Variants in CEP19 observed in about 807,000 individuals in gnomAD.
The protein encoded by CEP19 is centrosomal protein of 19 kDa.
In CEP19, 14 loss-of-function variants were observed where a neutral mutation model predicts 17.5. That is an observed-to-expected ratio of 0.80 (90% CI 0.53 to 1.25). The LOEUF is 1.25. Ranked by LOEUF, CEP19 falls within the 50% of genes most tolerant of loss-of-function variation. The probability of loss-of-function intolerance (pLI) is 0.00; values close to 1 mark genes in which losing one functional copy is unlikely to be tolerated. For synonymous variants in CEP19, 59 were observed against 65.5 expected (o/e 0.90, Z 0.48); for missense variants, 193 against 192.0 (o/e 1.01, Z -0.03).
Position 196,711,996 on chromosome 3 carries a change from C to T in CEP19, c.-138G>A, listed in dbSNP as rs1450631782. On this transcript the variant is annotated 5_prime_UTR_variant, in exon 1 of 3. Transcript: ENST00000409690. ...CTAAACAACCAGGAGTGGGTTTTTC[C>T]ACCCAACCGCAGTGCACGCAAAGCC... The T allele has an allele frequency of 1.4e-6, 1 of 717,208 alleles. No individual in the cohort carries two copies. Among genetic ancestry groups the T allele is most frequent in the African/African-American group, 1.7e-5 (1 of 57,286 alleles). The allele number at this position is 717,208 out of a possible 1,614,324, so 44.4% of individuals were successfully genotyped here. A position where few individuals can be genotyped will look rare whatever the true frequency, so the allele number is the denominator to read the frequency against.
rs1711520011 is a variant in CEP19, at chr3:196,706,425, T to C, written c.*1126A>G. ...AGATGCTGTCTTGCAGATCCATTCA[T>C]GAACAGGCCTAAACTGGCAGTGCCT... On this transcript the variant is annotated 3_prime_UTR_variant, in exon 3 of 3. Coordinates refer to ENST00000409690, the MANE Select transcript of CEP19 (RefSeq NM_032898.5). 6.6e-6 allele frequency: 1 copy of C among 152,240 alleles called. No homozygotes were observed. The allele number at this position is 152,240 out of a possible 1,614,324, so 9.4% of individuals were successfully genotyped here.
chr3:196,707,437 G>A lies in CEP19; in HGVS notation c.*114C>T. The A allele has an allele frequency of 8.6e-7, 1 of 1,165,518 alleles. No individual in the cohort carries two copies. Among genetic ancestry groups the A allele is most frequent in the South Asian group, 1.5e-5 (1 of 66,346 alleles). 72.2% of individuals were successfully genotyped at this position (1,165,518 alleles called of 1,614,324 possible). ...ATGTCCTGGTTTTGAAAAGTAACAT[G>A]GTCAATCCCCTATAACCCAACATAT... On this transcript the variant is annotated 3_prime_UTR_variant, in exon 3 of 3. Coordinates refer to ENST00000409690, the MANE Select transcript of CEP19 (RefSeq NM_032898.5).
chr3:196,708,445 A>G (rs1318277658), intron 2 of CEP19, 83 bp downstream of exon 2: 93 of 1,257,868 alleles, frequency 7.4e-5, no homozygotes, highest in Non-Finnish European at 1.0e-4. Flanking sequence ...CCAGTGTCAC[A>G]CATCCAGTCC....
At position 196,707,711 on chromosome 3, in the gene CEP19, T is replaced by C. The variant is rs1477011464; in HGVS notation, c.332A>G (p.Lys111Arg). The change falls in exon 3 of 3, where the codon AAG becomes AGG. Residue 111 changes from lysine to arginine, a missense_variant. Coordinates refer to ENST00000409690, the MANE Select transcript of CEP19 (RefSeq NM_032898.5). ...PEEDLNKLDD[K>R]ELAKRKSIMD... ...GATGCTCTTTCTTTTGGCAAGCTCC[T>C]TGTCATCTAGTTTGTTCAGGTCTTC... The C allele has an allele frequency of 8.7e-6, 14 of 1,614,088 alleles. No individual in the cohort carries two copies. The African/African-American group carries it at 1.6e-4, about 18-fold the overall frequency.
At chr3:196,710,858 A>AAC (rs1711732238) in intron 1 of CEP19, among the ~76,000 whole-genome samples, 1 of 149,462 alleles carries the variant, frequency 6.7e-6, no homozygotes, top group African/African-American at 2.4e-5. Context: ...AAAAAAAAAA[A>AAC]AAAAAAAAAA....
At position 196,707,759 on chromosome 3, in the gene CEP19, C is replaced by G. The variant is rs145982014; in HGVS notation, c.284G>C (p.Arg95Pro). The G allele has an allele frequency of 2.5e-6, 4 of 1,613,994 alleles. No homozygotes were observed. Among genetic ancestry groups the G allele is most frequent in the Non-Finnish European group, 3.4e-6 (4 of 1,180,038 alleles). Residue 95 changes from arginine (R) to proline (P), a missense_variant, in exon 3 of 3, where the codon CGG becomes CCG. Transcript: ENST00000409690. ...SLAETMEQIQ[R>P]ETTIDPEEDL... ...TTCCTCAGGATCAATGGTTGTTTCC[C>G]GTTGAATTTGTTCCATTGTTTCTGC...
chr3:196,708,489 GA>G, intron 2 of CEP19, 38 bp downstream of exon 2: 1 of 1,597,030 alleles, frequency 6.3e-7, no homozygotes, highest in Non-Finnish European at 8.6e-7. Flanking sequence ...TGTATTTAGA[GA>G]ATATTTAAGA....
Position 196,706,341 on chromosome 3 carries a change from A to G in CEP19, c.*1210T>C, listed in dbSNP as rs2108661374. The G allele has an allele frequency of 6.6e-6, 1 of 152,360 alleles. No individual in the cohort carries two copies. Among genetic ancestry groups the G allele is most frequent in the Non-Finnish European group, 1.5e-5 (1 of 68,036 alleles). 9.4% of individuals were successfully genotyped at this position (152,360 alleles called of 1,614,324 possible). Reference sequence around the variant, plus strand: ...TGTAGAAAACATAGAATTTCTACCAACTAAACAATATTGTAATAAGGATAA... The same window carrying G: ...TGTAGAAAACATAGAATTTCTACCAGCTAAACAATATTGTAATAAGGATAA... On this transcript the variant is annotated 3_prime_UTR_variant, in exon 3 of 3. Coordinates refer to ENST00000409690, the MANE Select transcript of CEP19 (RefSeq NM_032898.5).
At chr3:196,711,195 A>G (rs751430696) in intron 1 of CEP19, among the ~76,000 whole-genome samples, 15 of 152,132 alleles carry the variant, frequency 9.9e-5, no homozygotes, top group Non-Finnish European at 2.1e-4. Context: ...TAATTCTATG[A>G]GGCTTATAAC....
rs144709842 is a variant in CEP19 at position 196,708,702 on chromosome 3, T to C, written c.-45A>G. 2.5e-6 allele frequency: 4 copies of C among 1,595,736 alleles called. No homozygotes were observed. The highest frequency in any genetic ancestry group is 4.5e-5 in the East Asian group (2 of 44,448). On this transcript the variant is annotated 5_prime_UTR_variant, in exon 2 of 3. Coordinates refer to ENST00000409690, the MANE Select transcript of CEP19 (RefSeq NM_032898.5). The stretch of plus-strand genomic sequence containing the variant: ...TAAGTCAGAGGAAATCTGATGAATA[T>C]GTGTAAGTTGCATAATGACTTCCTG...
Position 196,712,165 on chromosome 3 carries a change from G to C in CEP19, c.-307C>G. 1.7e-6 allele frequency: 1 copy of C among 574,980 alleles called. No individual in the cohort carries two copies. The highest frequency in any genetic ancestry group is 3.1e-6 in the Non-Finnish European group (1 of 319,456). The allele number at this position is 574,980 out of a possible 1,614,324, so 35.6% of individuals were successfully genotyped here. On this transcript the variant is annotated 5_prime_UTR_variant, in exon 1 of 3. Transcript: ENST00000409690. ...CGGGAAGCGGAGGTGGGGGCCGGCT[G>C]GGGGACCGGTCCACCGGCTCCCACC...
intron 2 of CEP19, among the ~76,000 whole-genome samples, chr3:196,708,317 T>A (rs1711600672): frequency 6.6e-6 from 1 of 152,196 alleles, no homozygotes; most frequent in Non-Finnish European, 1.5e-5. Context: ...AATAATGCTA[T>A]ATCATTTAAC....
chr3:196,711,769 A>C, intron 1 of CEP19, among the ~76,000 whole-genome samples, 160 bp downstream of exon 1: 1 of 152,086 alleles, frequency 6.6e-6, no homozygotes. Context: ...CGTTTATCCA[A>C]TTATTCTTCC....
At chr3:196,710,379 T>C (rs1418897515) in intron 1 of CEP19, among the ~76,000 whole-genome samples, 2 of 151,498 alleles carry the variant, frequency 1.3e-5, no homozygotes, top group East Asian at 1.9e-4. Flanking sequence ...ACCACGTCTG[T>C]ACTAAAAATA....
intron 1 of CEP19, among the ~76,000 whole-genome samples, chr3:196,711,298 T>C (rs1410907851): frequency 1.3e-5 from 2 of 151,910 alleles, no homozygotes; most frequent in African/African-American, 4.8e-5. Flanking sequence ...CTCCATTTCT[T>C]AAGAAACATG....
chr3:196,708,025 C>G, intron 2 of CEP19, 113 bp from the exon 3 acceptor site: 1 of 1,197,280 alleles, frequency 8.4e-7, no homozygotes, highest in South Asian at 1.5e-5. Context: ...AAAATATTAT[C>G]TCCATTATAG....
At position 196,707,895 on chromosome 3, in the gene CEP19, C is replaced by T. The variant is rs1711587851; in HGVS notation, c.148G>A (p.Glu50Lys). ...TGTCGCGGATTATTCTTTAATTGTT[C>T]AGCAGCTCTGGTGCAATCTGGGAGA... ...SKFSDCTRAA[E>K]QLKNNPRHKS... Residue 50 changes from glutamate to lysine, a missense_variant, in exon 3 of 3, where the codon GAA becomes AAA. By Grantham distance (56) the Glu-to-Lys change is moderately conservative. Transcript: ENST00000409690. 1.2e-6 allele frequency: 2 copies of T among 1,611,024 alleles called. No homozygotes were observed. Among genetic ancestry groups the T allele is most frequent in the Non-Finnish European group, 8.5e-7 (1 of 1,179,816 alleles).
chr3:196,711,706 A>G (rs1162254793), intron 1 of CEP19, among the ~76,000 whole-genome samples: 1 of 152,034 alleles, frequency 6.6e-6, no homozygotes, highest in Non-Finnish European at 1.5e-5. Flanking sequence ...AGCCGCCTGG[A>G]TGCTCTCTTG....
intron 1 of CEP19, among the ~76,000 whole-genome samples, chr3:196,710,539 C>G (rs1328394656): frequency 6.6e-6 from 1 of 151,952 alleles, no homozygotes; most frequent in East Asian, 1.9e-4. Flanking sequence ...GAGCAAGACT[C>G]CATCTCAAAA....
Sources: allele counts gnomAD v4.1 joint callset (sites outside exome capture counted in the v4.1 genomes callset), GRCh38; gene constraint gnomAD v4.1.1; transcripts MANE v1.5; gene names NCBI Gene and HGNC (gene_info 2026-07-23, HGNC 2026-07-21).